Variants in GPLD1 observed in about 807,000 individuals in gnomAD.
GPLD1 encodes the protein glycosylphosphatidylinositol specific phospholipase D1.
GPLD1 carries 84 observed loss-of-function variants against 112.6 expected under a neutral mutation model. The observed-to-expected ratio is 0.75, with a 90% CI of 0.63 to 0.89. The LOEUF is 0.89. Ranked by LOEUF, GPLD1 falls within the 40% of genes least tolerant of loss-of-function variation. The pLI is 0.00. For synonymous variants in GPLD1, 386 were observed against 403.8 expected (o/e 0.96, Z 0.53); for missense variants, 1,044 against 1,051.5 (o/e 0.99, Z 0.10).
intron 20 of GPLD1, among the ~76,000 whole-genome samples, chr6:24,441,857 AC>A (rs1363557497): frequency 6.6e-6 from 1 of 152,054 alleles, no homozygotes; most frequent in Non-Finnish European, 1.5e-5. Context: ...TGGGTGAAAT[AC>A]AAGTAAAATA....
intron 7 of GPLD1, among the ~76,000 whole-genome samples, chr6:24,467,699 T>C (rs1052679206): frequency 6.6e-6 from 1 of 152,152 alleles, no homozygotes; most frequent in Non-Finnish European, 1.5e-5. Flanking sequence ...ATTATAAAAA[T>C]GTCTCCTCAC....
At chr6:24,444,457 A>C (rs1762844390) in intron 20 of GPLD1, among the ~76,000 whole-genome samples, 2 of 151,788 alleles carry the variant, frequency 1.3e-5, no homozygotes, top group African/African-American at 4.8e-5. Context: ...CACAATAAGC[A>C]TAATTCACCT....
In GPLD1 at chr6:24,426,250, A is replaced by AC. The variant is rs1241330426; in HGVS notation, c.*2781dup. ...TACAACCCTACAAGGTAAGGTCTTTACATTTTAGTTATTAAGCAGAATCAA... is the reference window on the plus strand; with the variant it reads ...TACAACCCTACAAGGTAAGGTCTTTACCATTTTAGTTATTAAGCAGAATCAA... On this transcript the variant is annotated 3_prime_UTR_variant, in exon 25 of 25. Coordinates refer to ENST00000230036, the MANE Select transcript of GPLD1 (RefSeq NM_001503.4). The AC allele has an allele frequency of 4.6e-5, 7 of 152,248 alleles. No individual in the cohort carries two copies. Among genetic ancestry groups the AC allele is most frequent in the Admixed American group, 4.6e-4 (7 of 15,288 alleles). 9.4% of individuals were successfully genotyped at this position (152,248 alleles called of 1,614,324 possible).
intron 24 of GPLD1, 35 bp from the exon 25 acceptor site, chr6:24,429,153 T>A (rs1762327717): frequency 7.4e-7 from 1 of 1,344,820 alleles, no homozygotes; most frequent in African/African-American, 1.4e-5. Flanking sequence ...CATGGCTCAT[T>A]CATAACATCT....
chr6:24,475,387 A>T (rs1007909484), intron 4 of GPLD1, among the ~76,000 whole-genome samples, 156 bp from the exon 5 acceptor site: 1 of 152,126 alleles, frequency 6.6e-6, no homozygotes, highest in Non-Finnish European at 1.5e-5. Context: ...TAAAAACCAC[A>T]TAAGAGGCCA....
At chr6:24,489,268 C>T (rs1764485113) in intron 1 of GPLD1, 147 bp downstream of exon 1, 1 of 613,010 alleles carries the variant, frequency 1.6e-6, no homozygotes. Context: ...ACTGCAATCA[C>T]CGGCTTCTCC....
At chr6:24,482,106 T>TTG (rs1764222218) in intron 2 of GPLD1, among the ~76,000 whole-genome samples, 1 of 144,516 alleles carries the variant, frequency 6.9e-6, no homozygotes, top group Non-Finnish European at 1.5e-5. Context: ...GATTTTTTTT[T>TTG]TTTTTTTTTT....
intron 24 of GPLD1, among the ~76,000 whole-genome samples, chr6:24,429,771 C>A (rs1483373972): frequency 1.3e-5 from 2 of 152,324 alleles, no homozygotes; most frequent in South Asian, 2.1e-4. Flanking sequence ...TGGTCTCGAA[C>A]TCCCGACCTC....
At chr6:24,436,484 A>G in intron 22 of GPLD1, 92 bp downstream of exon 22, 1 of 1,095,554 alleles carries the variant, frequency 9.1e-7, no homozygotes, top group Non-Finnish European at 1.4e-6. Flanking sequence ...GTATGAATTC[A>G]GGTAAGCACT....
chr6:24,445,788 C>G lies in GPLD1; in HGVS notation c.1864G>C (p.Gly622Arg). ...LHIRDEKKSL[G>R]RVYGYFPPNG... ...GGTGGGAAGTAGCCATACACCCTCC[C>G]AAGGCTCTTTTTCTCATCTCGGATG... The change falls in exon 19 of 25, where the codon GGG (glycine) becomes CGG (arginine). Residue 622 changes from glycine (G) to arginine (R), a missense_variant. Gly to Arg is a moderately radical substitution (Grantham distance 125). Transcript: ENST00000230036. 1 of 1,613,768 alleles carries G rather than the reference C, an allele frequency of 6.2e-7. No individual in the cohort carries two copies. The highest frequency in any genetic ancestry group is 8.5e-7 in the Non-Finnish European group (1 of 1,179,914).
In GPLD1 at chr6:24,429,050, A is replaced by G. The variant is rs1408107852; in HGVS notation, c.2505T>C (p.Tyr835=). Residue 835 remains tyrosine (Y), a synonymous_variant, in exon 25 of 25, where the codon TAT becomes TAC. Transcript: ENST00000230036. The stretch of plus-strand genomic sequence containing the variant: ...GAAATCTTCAATCTGAGCCAAGGCT[A>G]TAGACGTGAAGTGCCCCGGAGAGTC... ...GARLSGALHV[Y]SLGSD is the part of the protein sequence containing the mutation. 1.9e-6 allele frequency: 3 copies of G among 1,612,616 alleles called. No homozygotes were observed. The highest frequency in any genetic ancestry group is 1.7e-5 in the Admixed American group (1 of 59,990).
chr6:24,466,116 A>G (rs910692419), intron 10 of GPLD1, among the ~76,000 whole-genome samples: 13 of 152,258 alleles, frequency 8.5e-5, no homozygotes, highest in African/African-American at 2.7e-4. Context: ...AGACCAAGGC[A>G]GGTGGATCAC....
At chr6:24,455,477 C>T (rs1291506329) in intron 13 of GPLD1, among the ~76,000 whole-genome samples, 1 of 152,144 alleles carries the variant, frequency 6.6e-6, no homozygotes, top group East Asian at 1.9e-4. Flanking sequence ...TCCAAACTTC[C>T]AGAAAATAGT....
At chr6:24,477,656 G>C (rs1429672432) in intron 3 of GPLD1, among the ~76,000 whole-genome samples, 1 of 152,176 alleles carries the variant, frequency 6.6e-6, no homozygotes, top group Non-Finnish European at 1.5e-5. Context: ...CTTGAGGCCA[G>C]GAGTTTGAGG....
At chr6:24,436,995 G>A in intron 21 of GPLD1, 118 bp downstream of exon 21, 1 of 919,992 alleles carries the variant, frequency 1.1e-6, no homozygotes, top group Non-Finnish European at 1.7e-6. Flanking sequence ...TCTGTCTAAA[G>A]GTCCTTGGGC....
intron 14 of GPLD1, among the ~76,000 whole-genome samples, chr6:24,450,315 A>G (rs1251099536): frequency 6.6e-6 from 1 of 152,090 alleles, no homozygotes. Context: ...AGCCTGGCCA[A>G]CATAGTGAAA....
chr6:24,466,740 A>C lies in GPLD1; in HGVS notation c.761T>G (p.Met254Arg), dbSNP rs147074009. ...GTAAATATTAGTGGACCAAAATGCC[A>C]TATCATCCAGTCCTCCAAGAAAATA... ...QEYFLGGLDD[M>R]AFWSTNIYHL... Residue 254 changes from methionine to arginine, a missense_variant, in exon 10 of 25, where the codon ATG becomes AGG. Transcript: ENST00000230036. 3.7e-6 allele frequency: 6 copies of C among 1,611,558 alleles called. No individual in the cohort carries two copies. In the African/African-American group the frequency reaches 5.3e-5, roughly 14 times the overall value.
intron 7 of GPLD1, among the ~76,000 whole-genome samples, chr6:24,469,670 C>A (rs1763733290): frequency 7.5e-6 from 1 of 132,732 alleles, no homozygotes. Context: ...GGAGATATAC[C>A]TAATGCTAGA....
At chr6:24,474,448 A>G (rs1763941654) in intron 5 of GPLD1, among the ~76,000 whole-genome samples, 1 of 152,242 alleles carries the variant, frequency 6.6e-6, no homozygotes, top group African/African-American at 2.4e-5. Flanking sequence ...AAAAAGTCCA[A>G]TAAAGTAGAA....
Sources: allele counts gnomAD v4.1 joint callset (sites outside exome capture counted in the v4.1 genomes callset), GRCh38; gene constraint gnomAD v4.1.1; transcripts MANE v1.5; gene names NCBI Gene and HGNC (gene_info 2026-07-23, HGNC 2026-07-21).